The following MTA1 variants were observed in gnomAD, a reference collection of about 807,000 sequenced individuals.
The protein encoded by MTA1 is metastasis associated 1, also known as metastasis-associated protein MTA1.
In MTA1, 15 loss-of-function variants were observed where a neutral mutation model predicts 97.0. The ratio of observed to expected loss-of-function variants is 0.15; its 90% confidence interval spans 0.10 to 0.24. The LOEUF is 0.24. Among genes scored for constraint, MTA1 ranks in the 10% least tolerant of loss-of-function variants. The pLI is 1.00. For synonymous variants in MTA1, 435 were observed against 417.5 expected (o/e 1.04, Z -0.51); for missense variants, 709 against 1,015.1 (o/e 0.70, Z 4.10).
chr14:105,442,524 T>C (rs1365517850), intron 2 of MTA1, among the ~76,000 whole-genome samples: 1 of 152,196 alleles, frequency 6.6e-6, no homozygotes, highest in African/African-American at 2.4e-5. Flanking sequence ...CATGAAAAAC[T>C]AGGCAAGTGG....
At position 105,460,860 on chromosome 14, in the gene MTA1, C is replaced by T. The variant is rs782204369; in HGVS notation, c.849C>T (p.Asp283=). Residue 283 remains aspartate (D), a synonymous_variant, in exon 10 of 21, where the codon GAC becomes GAT. Coordinates refer to ENST00000331320, the MANE Select transcript of MTA1 (RefSeq NM_004689.4). ...VPQGGPVLCR[D]EMEEWSASEA... Reference sequence around the variant, plus strand: ...AGGGCGGGCCCGTGCTCTGCAGGGACGAGATGGAGGAGTGGTCTGCATCAG... The same window carrying T: ...AGGGCGGGCCCGTGCTCTGCAGGGATGAGATGGAGGAGTGGTCTGCATCAG... The T allele has an allele frequency of 5.6e-6, 9 of 1,612,748 alleles. No homozygotes were observed. Among genetic ancestry groups the T allele is most frequent in the East Asian group, 4.5e-5 (2 of 44,894 alleles).
chr14:105,425,530 G>C (rs1366864098), intron 1 of MTA1, among the ~76,000 whole-genome samples: 1 of 152,146 alleles, frequency 6.6e-6, no homozygotes, highest in Non-Finnish European at 1.5e-5. Flanking sequence ...CTTGCCTTGG[G>C]CTCCCAAAGT....
At chr14:105,436,819 T>A (rs67933783) in intron 1 of MTA1, among the ~76,000 whole-genome samples, 1 of 152,140 alleles carries the variant, frequency 6.6e-6, no homozygotes, top group African/African-American at 2.4e-5. Flanking sequence ...AGACCTTTTT[T>A]AAAAAAAAGT....
intron 3 of MTA1, 21 bp downstream of exon 3, chr14:105,445,532 G>A: frequency 6.2e-7 from 1 of 1,612,458 alleles, no homozygotes; most frequent in Non-Finnish European, 8.5e-7. Context: ...CCTTCCCTGG[G>A]GTGCCCGCCT....
At chr14:105,446,169 C>T (rs781901198) in intron 3 of MTA1, among the ~76,000 whole-genome samples, 52 of 152,312 alleles carry the variant, frequency 3.4e-4, no homozygotes, top group Non-Finnish European at 6.9e-4. Flanking sequence ...GGCACCCCCA[C>T]GCCCTCCACA....
At chr14:105,433,007 A>G (rs4983617) in intron 1 of MTA1, among the ~76,000 whole-genome samples, 143,094 of 152,168 alleles carry the variant, frequency 0.94, 67,932 homozygotes, top group East Asian at 1. Context: ...CCGTGCTGTA[A>G]TATAGGGGCC....
At chr14:105,464,304 C>CGTGT in intron 13 of MTA1, 112 bp from the exon 14 acceptor site, 1 of 1,072,994 alleles carries the variant, frequency 9.3e-7, no homozygotes, top group Non-Finnish European at 1.2e-6. Context: ...CCTCGGGGAA[C>CGTGT]GTGTGGGGGT....
intron 14 of MTA1, 35 bp from the exon 15 acceptor site, chr14:105,464,639 G>A (rs1358154867): frequency 1.2e-6 from 2 of 1,607,822 alleles, no homozygotes; most frequent in Non-Finnish European, 1.7e-6. Context: ...CCCGGTCATG[G>A]CGCTGTGTTG....
chr14:105,443,307 C>T (rs191000345), intron 2 of MTA1, among the ~76,000 whole-genome samples: 42 of 152,290 alleles, frequency 2.8e-4, no homozygotes, highest in Admixed American at 1.2e-3. Flanking sequence ...ATTCCACCCT[C>T]GAGAACGCCC....
At chr14:105,465,008 AGT>A in intron 15 of MTA1, 84 bp from the exon 16 acceptor site, 1 of 1,427,094 alleles carries the variant, frequency 7.0e-7, no homozygotes, top group Non-Finnish European at 9.2e-7. Context: ...GGCCGAGCCC[AGT>A]GAGGGCTCCC....
intron 8 of MTA1, 109 bp downstream of exon 8, chr14:105,458,481 A>G: frequency 2.0e-6 from 2 of 992,312 alleles, no homozygotes; most frequent in Non-Finnish European, 1.5e-6. Context: ...CCATATCCCA[A>G]CAAGAAGCCC....
chr14:105,426,681 C>T (rs1264962089), intron 1 of MTA1, among the ~76,000 whole-genome samples: 2 of 152,216 alleles, frequency 1.3e-5, no homozygotes, highest in South Asian at 2.1e-4. Flanking sequence ...CCTTGACTGC[C>T]GGATGCACCT....
chr14:105,470,169 C>G lies in MTA1; in HGVS notation c.2102C>G (p.Pro701Arg). Residue 701 changes from proline (P) to arginine (R), a missense_variant, in exon 21 of 21, where the codon CCG (proline) becomes CGG (arginine). Transcript: ENST00000331320. ...AGCCAGGCCCTGCCGCCGCGGCCAC[C>G]GCCACCTGCGCCCGTCAACGACGAG... ...RQSQALPPRPPPPAPVNDEPI... is the reference protein window; with the variant it reads ...RQSQALPPRPRPPAPVNDEPI... 6.2e-7 allele frequency: 1 copy of G among 1,609,174 alleles called. No homozygotes were observed. The highest frequency in any genetic ancestry group is 1.3e-5 in the African/African-American group (1 of 74,958).
At chr14:105,433,874 C>T (rs2082253196) in intron 1 of MTA1, among the ~76,000 whole-genome samples, 1 of 152,186 alleles carries the variant, frequency 6.6e-6, no homozygotes, top group African/African-American at 2.4e-5. Flanking sequence ...TGTCACCAGG[C>T]TGGAGTGCAG....
chr14:105,456,869 C>T (rs971177814), intron 7 of MTA1, among the ~76,000 whole-genome samples: 1 of 152,244 alleles, frequency 6.6e-6, no homozygotes, highest in Non-Finnish European at 1.5e-5. Flanking sequence ...CCCTGGCTGA[C>T]CCCGTCCTCT....
At chr14:105,439,740 C>T (rs782156313) in intron 2 of MTA1, among the ~76,000 whole-genome samples, 2 of 152,140 alleles carry the variant, frequency 1.3e-5, no homozygotes, top group Admixed American at 1.3e-4. Flanking sequence ...AGCCCCCGAT[C>T]CCCTGGAGCC....
At position 105,466,954 on chromosome 14, in the gene MTA1, T is replaced by C. The variant is rs587728155; in HGVS notation, c.1813+212T>C. 1.4e-3 allele frequency: 839 copies of C among 588,968 alleles called. 7 individuals carry two copies. In the African/African-American group the frequency reaches 0.014, roughly 10 times the overall value. The allele number at this position is 588,968 out of a possible 1,614,324, so 36.5% of individuals were successfully genotyped here. On this transcript the variant is annotated intron_variant, in intron 18 of 20. Transcript: ENST00000331320. ...CCCAGGCATCTGGCCCTCGGCCCCC[T>C]GGCCCCGCCTCCTGTCAGTGGACTG... is the stretch of plus-strand genomic sequence containing the variant.
At chr14:105,467,465 C>T in intron 18 of MTA1, 3 of 455,990 alleles carry the variant, frequency 6.6e-6, no homozygotes, top group Non-Finnish European at 1.3e-5. Context: ...ACCCTGTCCC[C>T]TTGGGGCATT....
chr14:105,454,127 G>A (rs1328407625), intron 6 of MTA1, 66 bp from the exon 7 acceptor site: 8 of 1,249,828 alleles, frequency 6.4e-6, no homozygotes, highest in African/African-American at 4.4e-5. Flanking sequence ...CCGTGCTGAC[G>A]CCTCTCTGAC....
Sources: gnomAD v4.1 joint callset for allele counts (sites outside exome capture counted in the v4.1 genomes callset) on GRCh38, gnomAD v4.1.1 for gene constraint, MANE v1.5 for transcripts, NCBI Gene and HGNC (gene_info 2026-07-23, HGNC 2026-07-21) for gene names.